IL1RAPL1: variants seen among roughly 807,000 people sequenced by gnomAD.
The protein encoded by IL1RAPL1 is interleukin 1 receptor accessory protein like 1, also known as interleukin-1 receptor accessory protein-like 1.
IL1RAPL1 carries 3 observed loss-of-function variants against 48.4 expected under a neutral mutation model. That is an observed-to-expected ratio of 0.06 (90% CI 0.03 to 0.16). The LOEUF is 0.16. Among genes scored for constraint, IL1RAPL1 ranks in the 10% least tolerant of loss-of-function variants. The pLI is 1.00. For synonymous variants in IL1RAPL1, 185 were observed against 187.7 expected (o/e 0.99, Z 0.12); for missense variants, 349 against 530.6 (o/e 0.66, Z 3.36).
At chrX:28,773,521 C>A (rs1936330264) in intron 1 of IL1RAPL1, among the ~76,000 whole-genome samples, 2 of 112,040 alleles carry the variant, frequency 1.8e-5, no homozygotes, top group African/African-American at 6.5e-5. Flanking sequence ...CCTTTCCTCC[C>A]ATTTATTATT....
At chrX:29,767,594 A>G (rs975426349) in intron 6 of IL1RAPL1, among the ~76,000 whole-genome samples, 5 of 112,132 alleles carry the variant, frequency 4.5e-5, no homozygotes, top group Non-Finnish European at 7.5e-5. Context: ...AGTCTATATT[A>G]TCTGTAATTT....
chrX:28,882,995 G>C, intron 2 of IL1RAPL1, among the ~76,000 whole-genome samples: 1 of 111,602 alleles, frequency 9.0e-6, no homozygotes, highest in East Asian at 2.8e-4. Flanking sequence ...GTAGCATACA[G>C]TGTGTGTATG....
chrX:29,386,543 ATTT>A (rs34017097), intron 3 of IL1RAPL1, among the ~76,000 whole-genome samples: 9 of 86,570 alleles, frequency 1.0e-4, no homozygotes, highest in Admixed American at 2.6e-4. Flanking sequence ...TGAGTGAATG[ATTT>A]TTTTTTTTTT....
chrX:29,243,852 C>G (rs1440110770), intron 2 of IL1RAPL1, among the ~76,000 whole-genome samples: 1 of 111,266 alleles, frequency 9.0e-6, no homozygotes, highest in Non-Finnish European at 1.9e-5. Context: ...CTCTTTATGC[C>G]TTTTGAGTGA....
At chrX:28,664,017 G>C (rs1049844637) in intron 1 of IL1RAPL1, among the ~76,000 whole-genome samples, 3 of 111,915 alleles carry the variant, frequency 2.7e-5, no homozygotes, top group Non-Finnish European at 5.6e-5. Flanking sequence ...CCTGGAGCCT[G>C]TTCTCTATTC....
At chrX:28,807,125 C>T (rs1936742225) in intron 2 of IL1RAPL1, among the ~76,000 whole-genome samples, 1 of 111,248 alleles carries the variant, frequency 9.0e-6, no homozygotes, top group Admixed American at 9.6e-5. Flanking sequence ...TTTGTCCACA[C>T]TTCCTTTCAG....
At chrX:28,923,364 G>A (rs192423894) in intron 2 of IL1RAPL1, among the ~76,000 whole-genome samples, 39 of 110,315 alleles carry the variant, frequency 3.5e-4, no homozygotes, top group African/African-American at 1.1e-3. Flanking sequence ...TAGTGGAGAC[G>A]GGGTTTCTCC....
At chrX:29,246,150 CTTTTT>C (rs761809643) in intron 2 of IL1RAPL1, among the ~76,000 whole-genome samples, 1 of 52,023 alleles carries the variant, frequency 1.9e-5, no homozygotes, top group Non-Finnish European at 3.4e-5. Context: ...TCTCATCGCT[CTTTTT>C]TTTTTTTTTT....
At chrX:28,664,795 G>A (rs1934857730) in intron 1 of IL1RAPL1, among the ~76,000 whole-genome samples, 1 of 111,715 alleles carries the variant, frequency 9.0e-6, no homozygotes, top group African/African-American at 3.3e-5. Context: ...TCAGAGAACT[G>A]CACTTGTCAG....
At chrX:29,246,323 G>A (rs1218505427) in intron 2 of IL1RAPL1, among the ~76,000 whole-genome samples, 2 of 109,928 alleles carry the variant, frequency 1.8e-5, no homozygotes, top group Non-Finnish European at 1.9e-5. Context: ...CCCACTAACA[G>A]TGGAAAAGTC....
At chrX:29,038,449 C>T (rs770393599) in intron 2 of IL1RAPL1, among the ~76,000 whole-genome samples, 5 of 111,469 alleles carry the variant, frequency 4.5e-5, no homozygotes, top group Non-Finnish European at 9.4e-5. Flanking sequence ...TAAATATGTA[C>T]ATGAAATGAG....
chrX:29,573,866 G>A (rs980271374), intron 5 of IL1RAPL1, among the ~76,000 whole-genome samples: 3 of 111,415 alleles, frequency 2.7e-5, no homozygotes, highest in East Asian at 2.8e-4. Context: ...AATGTCCCCC[G>A]TGGATGGATG....
At chrX:29,927,799 A>AACTC (rs752058060) in intron 8 of IL1RAPL1, among the ~76,000 whole-genome samples, 115 of 110,257 alleles carry the variant, frequency 1.0e-3, no homozygotes, top group African/African-American at 3.6e-3. Flanking sequence ...GTATTCAGCT[A>AACTC]ACTCTCAATT....
At position 29,810,537 on chromosome X, in the gene IL1RAPL1, C is replaced by T. The variant is rs747525462; in HGVS notation, c.779-106927C>T. On this transcript the variant is annotated intron_variant, in intron 6 of 10. Coordinates refer to ENST00000378993, the MANE Select transcript of IL1RAPL1 (RefSeq NM_014271.4). ...TTCAGATTCATTAGTGTTCATGAAT[C>T]TGGAAATGTCTTTCACTAGTTCTGG... Among the ~76,000 whole-genome samples, 4 of 111,834 alleles carry T rather than the reference C, an allele frequency of 3.6e-5. No individual in the cohort carries two copies. The South Asian group carries it at 1.5e-3, about 42-fold the overall frequency.
At position 29,794,070 on chromosome X, in the gene IL1RAPL1, C is replaced by T. The variant is rs370443141; in HGVS notation, c.779-123394C>T. ...TACAAGTATAATTGTAAGTTTAACA[C>T]AGGGACAACTTTATTTTTAGTGTAA... On this transcript the variant is annotated intron_variant, in intron 6 of 10. Coordinates refer to ENST00000378993, the MANE Select transcript of IL1RAPL1 (RefSeq NM_014271.4). Among the ~76,000 whole-genome samples, 7 of 111,821 alleles carry T rather than the reference C, an allele frequency of 6.3e-5. No individual in the cohort carries two copies. In the South Asian group the frequency reaches 1.1e-3, roughly 18 times the overall value.
chrX:28,653,037 G>A (rs919341548), intron 1 of IL1RAPL1, among the ~76,000 whole-genome samples: 2 of 111,996 alleles, frequency 1.8e-5, no homozygotes, highest in East Asian at 2.8e-4. Context: ...TCACTTGTGC[G>A]AACCTCATTA....
intron 2 of IL1RAPL1, among the ~76,000 whole-genome samples, chrX:29,057,039 G>A (rs1366870137): frequency 9.0e-6 from 1 of 111,685 alleles, no homozygotes; most frequent in East Asian, 2.8e-4. Flanking sequence ...ATACCCGTGG[G>A]GTAATTTCTA....
chrX:29,721,959 A>T (rs1379748701), intron 6 of IL1RAPL1, among the ~76,000 whole-genome samples: 1 of 112,259 alleles, frequency 8.9e-6, no homozygotes, highest in African/African-American at 3.2e-5. Context: ...TTTCAAAATG[A>T]CAGGTTATGT....
intron 6 of IL1RAPL1, among the ~76,000 whole-genome samples, chrX:29,846,774 A>G (rs1931256145): frequency 1.3e-5 from 1 of 74,483 alleles, no homozygotes. Flanking sequence ...ATATACATAT[A>G]TATGTATATA....
Sources: allele counts gnomAD v4.1 joint callset (sites outside exome capture counted in the v4.1 genomes callset), GRCh38; gene constraint gnomAD v4.1.1; transcripts MANE v1.5; gene names NCBI Gene and HGNC (gene_info 2026-07-23, HGNC 2026-07-21).